Variants in SERAC1 observed in about 807,000 individuals in gnomAD.
SERAC1 encodes the protein protein SERAC1.
Under a neutral mutation model 85.7 loss-of-function variants are expected in SERAC1, and 36 were observed. The ratio of observed to expected loss-of-function variants is 0.42; its 90% CI spans 0.32 to 0.55. SERAC1 has a LOEUF of 0.55. SERAC1 is among the 20% of genes least tolerant of loss of function. The pLI, the probability that SERAC1 is intolerant of heterozygous loss-of-function variation, is 0.11. For synonymous variants in SERAC1, 242 were observed against 265.3 expected, an observed-to-expected ratio of 0.91 and a Z score of 0.85; for missense variants, 629 against 796.2, an observed-to-expected ratio of 0.79 and a Z score of 2.53.
chr6:158,146,793 T>C lies in SERAC1; in HGVS notation c.476A>G (p.His159Arg). ...GGTAGTCTCATTACCATGCCAGTGATGGGTCTCCGACATTTCCCGCACAGC... is the reference window on the plus strand; with the variant it reads ...GGTAGTCTCATTACCATGCCAGTGACGGGTCTCCGACATTTCCCGCACAGC... ...LEAVREMSETHHWHDYQYRII... is the reference protein window; with the variant it reads ...LEAVREMSETRHWHDYQYRII... The change falls in exon 6 of 17, where the codon CAT becomes CGT. Residue 159 changes from histidine to arginine, a missense_variant. By Grantham distance (29) the His-to-Arg change is conservative. Transcript: ENST00000647468. 6.2e-7 allele frequency: 1 copy of C among 1,613,692 alleles called. No homozygotes were observed. The highest frequency in any genetic ancestry group is 8.5e-7 in the Non-Finnish European group (1 of 1,179,734).
chr6:158,167,602 G>A (rs1193604270), intron 1 of SERAC1, among the ~76,000 whole-genome samples: 1 of 150,336 alleles, frequency 6.7e-6, no homozygotes, highest in African/African-American at 2.5e-5. Context: ...CTAAGGAACA[G>A]AAAACAAGAA....
At chr6:158,114,560 A>G in intron 15 of SERAC1, 3 of 1,220,788 alleles carry the variant, frequency 2.5e-6, no homozygotes, top group Non-Finnish European at 3.1e-6. Context: ...TTAAGTATTT[A>G]AGATAATATT....
At position 158,110,519 on chromosome 6, in the gene SERAC1, T is replaced by C. The variant is rs1470052210; in HGVS notation, c.*847A>G. 1.3e-5 allele frequency: 2 copies of C among 152,352 alleles called. No individual in the cohort carries two copies. The highest frequency in any genetic ancestry group is 4.8e-5 in the African/African-American group (2 of 41,592). 9.4% of individuals were successfully genotyped at this position (152,352 alleles called of 1,614,324 possible). A position where few individuals can be genotyped will look rare whatever the true frequency, so the allele number is the denominator to read the frequency against. On this transcript the variant is annotated 3_prime_UTR_variant, in exon 17 of 17. Coordinates refer to ENST00000647468, the MANE Select transcript of SERAC1 (RefSeq NM_032861.4). Reference sequence around the variant, plus strand: ...TCGACATGATTATCTACTACTCACATGCTATAGAGGTCAATTAATACCACT... The same window carrying C: ...TCGACATGATTATCTACTACTCACACGCTATAGAGGTCAATTAATACCACT...
rs1201760766 is a variant in SERAC1, at chr6:158,111,382, T to C, written c.1949A>G (p.Lys650Arg). 1.9e-6 allele frequency: 3 copies of C among 1,594,256 alleles called. No homozygotes were observed. The highest frequency in any genetic ancestry group is 2.2e-5 in the East Asian group (1 of 44,738). The change falls in exon 17 of 17, where the codon AAA becomes AGA. Residue 650 changes from lysine to arginine, a missense_variant. Transcript: ENST00000647468. ...GCACAACTGTTAGTTTTCAAGGTCT[T>C]TGGCTAAAGCTTCACGAATGAATTG... ...TLQFIREALA[K>R]DLEN is the part of the protein sequence containing the mutation.
At chr6:158,130,301 G>A (rs1301753322) in intron 9 of SERAC1, 72 bp downstream of exon 9, 11 of 799,436 alleles carry the variant, frequency 1.4e-5, no homozygotes, top group Non-Finnish European at 1.9e-5. Flanking sequence ...TATTGCCCTT[G>A]CAAAAATCAA....
chr6:158,118,566 T>C (rs1784346517), intron 12 of SERAC1, among the ~76,000 whole-genome samples: 1 of 137,918 alleles, frequency 7.3e-6, no homozygotes, highest in Non-Finnish European at 1.5e-5. Context: ...TGCAGTGCGC[T>C]AGGATCGCAC....
At chr6:158,138,341 A>G (rs150206142) in intron 8 of SERAC1, among the ~76,000 whole-genome samples, 180 of 150,486 alleles carry the variant, frequency 1.2e-3, no homozygotes, top group African/African-American at 4.1e-3. Flanking sequence ...AGGCTGAGGC[A>G]GGAGAATTGC....
intron 8 of SERAC1, among the ~76,000 whole-genome samples, chr6:158,141,984 T>G (rs1184557172): frequency 1.3e-5 from 2 of 152,186 alleles, no homozygotes; most frequent in East Asian, 3.8e-4. Flanking sequence ...CTGATTTTTT[T>G]TTTTTTACTG....
chr6:158,136,089 C>T (rs1030235308), intron 8 of SERAC1, among the ~76,000 whole-genome samples: 1 of 152,076 alleles, frequency 6.6e-6, no homozygotes, highest in Non-Finnish European at 1.5e-5. Flanking sequence ...GAATTACAGG[C>T]GTGAGCCACT....
At chr6:158,124,390 A>C (rs1321759503) in intron 10 of SERAC1, among the ~76,000 whole-genome samples, 1 of 152,206 alleles carries the variant, frequency 6.6e-6, no homozygotes, top group African/African-American at 2.4e-5. Flanking sequence ...CAAAAGAATA[A>C]ATATTGGATG....
rs760125449 is a variant in SERAC1, at chr6:158,113,598, A to C, written c.1685-6T>G. 1 of 1,611,550 alleles carries C rather than the reference A, an allele frequency of 6.2e-7. No individual in the cohort carries two copies. On this transcript the variant is annotated splice_polypyrimidine_tract_variant and splice_region_variant and intron_variant, in intron 15 of 16. Coordinates refer to ENST00000647468, the MANE Select transcript of SERAC1 (RefSeq NM_032861.4). The stretch of plus-strand genomic sequence containing the variant: ...TGTTTTAAGTGCAGGAGAATCTGTA[A>C]AATTATACAGAACAAGACTGTGACA...
chr6:158,110,474 C>T lies in SERAC1; in HGVS notation c.*892G>A, dbSNP rs1318351680. 1 of 152,084 alleles carries T rather than the reference C, an allele frequency of 6.6e-6. No homozygotes were observed. Among genetic ancestry groups the T allele is most frequent in the African/African-American group, 2.4e-5 (1 of 41,418 alleles). 9.4% of individuals were successfully genotyped at this position (152,084 alleles called of 1,614,324 possible). A position where few individuals can be genotyped will look rare whatever the true frequency, so the allele number is the denominator to read the frequency against. On this transcript the variant is annotated 3_prime_UTR_variant, in exon 17 of 17. Transcript: ENST00000647468. Reference sequence around the variant, plus strand: ...AAATTATATCTCAATAATGCTGTTACTCTAAAGAAAAAAAGGTCATCGACA... The same window carrying T: ...AAATTATATCTCAATAATGCTGTTATTCTAAAGAAAAAAAGGTCATCGACA...
chr6:158,148,168 C>T (rs914662124), intron 5 of SERAC1, among the ~76,000 whole-genome samples: 25 of 152,122 alleles, frequency 1.6e-4, no homozygotes, highest in Admixed American at 1.1e-3. Context: ...TTTATTTTCA[C>T]GATGCCAACT....
intron 8 of SERAC1, among the ~76,000 whole-genome samples, chr6:158,141,609 A>C (rs1406394878): frequency 6.6e-6 from 1 of 152,192 alleles, no homozygotes; most frequent in Non-Finnish European, 1.5e-5. Flanking sequence ...TTGGACTCTT[A>C]ACCTTTTCCT....
rs113761329 is a variant in SERAC1 at position 158,164,212 on chromosome 6, AC to A, written c.-2+3927del. Among the ~76,000 whole-genome samples, 6 of 151,184 alleles carry A rather than the reference AC, an allele frequency of 4.0e-5. 1 individual carries two copies. The highest frequency in any genetic ancestry group is 1.5e-4 in the African/African-American group (6 of 41,304). On this transcript the variant is annotated intron_variant, in intron 1 of 16. Transcript: ENST00000647468. ...ATTATGGGGCCAGGCACGGTGGCTCACGCCTGTAATCCCAGCACTTTGGGAG... is the reference window on the plus strand; with the variant it reads ...ATTATGGGGCCAGGCACGGTGGCTCAGCCTGTAATCCCAGCACTTTGGGAG...
chr6:158,116,107 TA>T, intron 14 of SERAC1, 77 bp downstream of exon 14: 3 of 1,176,970 alleles, frequency 2.5e-6, no homozygotes, highest in Non-Finnish European at 3.8e-6. Context: ...AATGGAAAGA[TA>T]AAATAACTTT....
Position 158,143,081 on chromosome 6 carries a change from C to T in SERAC1, c.713G>A (p.Ser238Asn), listed in dbSNP as rs1383309220. Reference sequence around the variant, plus strand: ...CTTCTGAGCAGCTAGACTCTGACTGCTTTCACTAAGAGCCAAAGATGTAAA... The same window carrying T: ...CTTCTGAGCAGCTAGACTCTGACTGTTTTCACTAAGAGCCAAAGATGTAAA... ...QYFTSLALSE[S>N]SQSLAAQKGG... Residue 238 changes from serine (S) to asparagine (N), a missense_variant, in exon 8 of 17, where the codon AGC becomes AAC. Physicochemically the swap from Ser to Asn is conservative, Grantham distance 46 (BLOSUM62 1). Transcript: ENST00000647468. 6.2e-7 allele frequency: 1 copy of T among 1,612,480 alleles called. No homozygotes were observed. The highest frequency in any genetic ancestry group is 1.7e-5 in the Admixed American group (1 of 59,806).
rs114047252 is a variant in SERAC1, at chr6:158,134,306, C to G, written c.739-3820G>C. On this transcript the variant is annotated intron_variant, in intron 8 of 16. Transcript: ENST00000647468. ...AGCAATGACAGCAGCAATGAGCTTACCTAGCCCAGAACTTGGTTACTAAAT... is the reference window on the plus strand; with the variant it reads ...AGCAATGACAGCAGCAATGAGCTTAGCTAGCCCAGAACTTGGTTACTAAAT... 3.9e-3 allele frequency among the ~76,000 whole-genome samples: 593 copies of G among 152,344 alleles called. 6 individuals are homozygous for G. The highest frequency in any genetic ancestry group is 0.014 in the African/African-American group (568 of 41,570).
At chr6:158,113,658 T>A (rs555787710) in intron 15 of SERAC1, 66 bp from the exon 16 acceptor site, 290 of 1,363,132 alleles carry the variant, frequency 2.1e-4, no homozygotes, top group Admixed American at 3.8e-4. Flanking sequence ...AATGCATTAA[T>A]CTTTCAAATT....
Sources: gnomAD v4.1 joint callset for allele counts (sites outside exome capture counted in the v4.1 genomes callset) on GRCh38, gnomAD v4.1.1 for gene constraint, MANE v1.5 for transcripts, NCBI Gene and HGNC (gene_info 2026-07-23, HGNC 2026-07-21) for gene names.